The following NOTCH2 variants were observed in gnomAD, a reference collection of about 807,000 sequenced individuals.
The protein encoded by NOTCH2 is notch receptor 2.
A neutral mutation model predicts 235.8 loss-of-function variants in NOTCH2; 29 were observed. The ratio of observed to expected loss-of-function variants is 0.12; its 90% CI spans 0.09 to 0.17. The LOEUF (loss-of-function observed/expected upper bound fraction) is 0.17. Ranked by LOEUF, NOTCH2 falls within the 10% of genes least tolerant of loss-of-function variation. NOTCH2 has a pLI of 1.00. For missense variants in NOTCH2, 2,285 were observed against 3,150.2 expected (o/e 0.73, Z 6.57); for synonymous variants, 1,086 against 1,141.5 (o/e 0.95, Z 0.98).
intron 30 of NOTCH2, 84 bp from the exon 31 acceptor site, chr1:119,919,697 G>T: frequency 6.0e-6 from 8 of 1,338,648 alleles, no homozygotes; most frequent in Non-Finnish European, 8.4e-6. Context: ...TTTGACTAAA[G>T]TTATTCTTAG....
In NOTCH2 at chr1:119,915,342, A is replaced by G. The variant is rs2101141052; in HGVS notation, c.7380T>C (p.Ser2460=). The G allele has an allele frequency of 6.2e-7, 1 of 1,613,960 alleles. No individual in the cohort carries two copies. The highest frequency in any genetic ancestry group is 8.5e-7 in the Non-Finnish European group (1 of 1,180,040). Residue 2460 remains serine, a synonymous_variant, in exon 34 of 34, where the codon TCT becomes TCC. Coordinates refer to ENST00000256646, the MANE Select transcript of NOTCH2 (RefSeq NM_024408.4). Reference sequence around the variant, plus strand: ...CCTGCATGTTGTTGTGTGGTGGCTCAGACATGTGTGTCCCAGGTCCCCGCT... The same window carrying G: ...CCTGCATGTTGTTGTGTGGTGGCTCGGACATGTGTGTCCCAGGTCCCCGCT... ...GGQRGPGTHM[S]EPPHNNMQVY...
chr1:120,060,790 TAGAA>T (rs1655290550), intron 1 of NOTCH2, among the ~76,000 whole-genome samples: 1 of 146,580 alleles, frequency 6.8e-6, no homozygotes, highest in Non-Finnish European at 1.5e-5. Flanking sequence ...TTAACTCTCT[TAGAA>T]AGAATATGTC....
At chr1:120,024,818 G>A (rs1250195286) in intron 2 of NOTCH2, among the ~76,000 whole-genome samples, 1 of 151,758 alleles carries the variant, frequency 6.6e-6, no homozygotes, top group Non-Finnish European at 1.5e-5. Flanking sequence ...ATTCTGAAAG[G>A]CCCCTTTATA....
chr1:119,948,750 C>A (rs1039238040), intron 16 of NOTCH2, among the ~76,000 whole-genome samples, 184 bp from the exon 17 acceptor site: 4 of 152,168 alleles, frequency 2.6e-5, no homozygotes, highest in Non-Finnish European at 5.9e-5. Flanking sequence ...GGTGCTTAAA[C>A]TCCCTGAAGA....
chr1:119,969,907 C>T (rs1312523269), intron 5 of NOTCH2, among the ~76,000 whole-genome samples, 163 bp from the exon 6 acceptor site: 1 of 152,102 alleles, frequency 6.6e-6, no homozygotes, highest in African/African-American at 2.4e-5. Context: ...CAATTTGAGC[C>T]ATCTAAATGA....
At chr1:119,977,067 C>T (rs1456011885) in intron 5 of NOTCH2, among the ~76,000 whole-genome samples, 1 of 152,094 alleles carries the variant, frequency 6.6e-6, no homozygotes, top group Non-Finnish European at 1.5e-5. Context: ...ACTAGACTGT[C>T]AGTGCCATGA....
At chr1:120,001,348 G>A (rs1341835317) in intron 3 of NOTCH2, among the ~76,000 whole-genome samples, 1 of 151,652 alleles carries the variant, frequency 6.6e-6, no homozygotes, top group East Asian at 1.9e-4. Context: ...CTACACCCAG[G>A]TTGGATGACC....
intron 10 of NOTCH2, among the ~76,000 whole-genome samples, 186 bp from the exon 11 acceptor site, chr1:119,963,993 A>G (rs1448115396): frequency 1.3e-5 from 2 of 152,244 alleles, no homozygotes; most frequent in Admixed American, 6.5e-5. Flanking sequence ...GAGGTGCTTA[A>G]AATAAAGATT....
chr1:120,011,445 G>A (rs1653188408), intron 2 of NOTCH2, among the ~76,000 whole-genome samples: 2 of 152,140 alleles, frequency 1.3e-5, no homozygotes, highest in African/African-American at 2.4e-5. Flanking sequence ...CAATGGTTTG[G>A]CGTATTCCTC....
chr1:119,940,439 A>C, intron 19 of NOTCH2, 116 bp downstream of exon 19: 1 of 891,712 alleles, frequency 1.1e-6, no homozygotes, highest in Non-Finnish European at 1.8e-6. Context: ...ATCTCAGGGA[A>C]TCCCTGAGAT....
intron 5 of NOTCH2, among the ~76,000 whole-genome samples, chr1:119,970,500 TCCA>T: frequency 6.6e-6 from 1 of 152,144 alleles, no homozygotes; most frequent in Middle Eastern, 3.4e-3. Context: ...ACAAAGAAAG[TCCA>T]CCCAATGTAC....
chr1:119,920,121 G>A, intron 30 of NOTCH2, 108 bp downstream of exon 30: 1 of 1,225,760 alleles, frequency 8.2e-7, no homozygotes, highest in Non-Finnish European at 1.2e-6. Flanking sequence ...TTTAGAGTCT[G>A]TGAAATTGGG....
At chr1:120,035,110 TC>T (rs1409136805) in intron 1 of NOTCH2, among the ~76,000 whole-genome samples, 1 of 151,174 alleles carries the variant, frequency 6.6e-6, no homozygotes, top group Non-Finnish European at 1.5e-5. Flanking sequence ...ATTCAAGTCA[TC>T]CCTTTTTAGA....
intron 12 of NOTCH2, among the ~76,000 whole-genome samples, chr1:119,957,335 G>A (rs1215995117): frequency 1.2e-4 from 18 of 152,068 alleles, no homozygotes; most frequent in Admixed American, 1.0e-3. Context: ...GAAGATAATG[G>A]GCATGAAGGT....
At chr1:119,955,379 C>G (rs587769083) in intron 12 of NOTCH2, 147 bp from the exon 13 acceptor site, 1 of 735,264 alleles carries the variant, frequency 1.4e-6, no homozygotes, top group African/African-American at 1.7e-5. Flanking sequence ...AGGAATTAGA[C>G]ACCCAATAAC....
intron 2 of NOTCH2, among the ~76,000 whole-genome samples, chr1:120,024,800 T>C (rs1481461243): frequency 1.8e-4 from 28 of 152,256 alleles, no homozygotes; most frequent in Middle Eastern, 3.4e-3. Context: ...CCAAGTGGTA[T>C]GTATGAAATT....
chr1:119,925,216 G>A (rs1327570774), intron 25 of NOTCH2, 89 bp downstream of exon 25: 4 of 1,534,516 alleles, frequency 2.6e-6, no homozygotes, highest in South Asian at 1.1e-5. Flanking sequence ...AGCTTAGGCT[G>A]AAGCACTGGA....
chr1:119,975,949 G>A (rs1336765521), intron 5 of NOTCH2, among the ~76,000 whole-genome samples: 4 of 152,116 alleles, frequency 2.6e-5, no homozygotes, highest in East Asian at 1.9e-4. Context: ...GAAAAGAAGA[G>A]AAAGGAATTG....
At position 119,941,456 on chromosome 1, in the gene NOTCH2, G is replaced by A. The variant is rs1379070483; in HGVS notation, c.2981+70C>T. 11 of 1,085,278 alleles carry A rather than the reference G, an allele frequency of 1.0e-5. No homozygotes were observed. The African/African-American group carries it at 1.2e-4, about 12-fold the overall frequency. 67.2% of individuals were successfully genotyped at this position (1,085,278 alleles called of 1,614,324 possible). ...CCCTGCTCCACAATTCTAGCATTGT[G>A]CTCTGAAATTTCCTTCCCTTTCTCC... On this transcript the variant is annotated intron_variant, in intron 18 of 33. Transcript: ENST00000256646.
Sources: allele counts gnomAD v4.1 joint callset (sites outside exome capture counted in the v4.1 genomes callset), GRCh38; gene constraint gnomAD v4.1.1; transcripts MANE v1.5; gene names NCBI Gene and HGNC (gene_info 2026-07-23, HGNC 2026-07-21).